TBXAS1: variants seen among roughly 807,000 people sequenced by gnomAD.
The protein encoded by TBXAS1 is thromboxane A synthase 1, also known as thromboxane-A synthase.
A neutral mutation model predicts 60.7 loss-of-function variants in TBXAS1; 48 were observed. That is an observed-to-expected ratio of 0.79 (90% CI 0.63 to 1.01). The LOEUF is 1.01. Among genes scored for constraint, TBXAS1 ranks in the 50% least tolerant of loss-of-function variants. The probability of loss-of-function intolerance (pLI) is 0.00; values close to 1 mark genes in which losing one functional copy is unlikely to be tolerated. For synonymous variants in TBXAS1, 287 were observed against 269.7 expected, an observed-to-expected ratio of 1.06 and a Z score of -0.63; for missense variants, 685 against 686.3, an observed-to-expected ratio of 1.00 and a Z score of 0.02.
chr7:139,860,003 A>C, intron 1 of TBXAS1, among the ~76,000 whole-genome samples: 1 of 152,148 alleles, frequency 6.6e-6, no homozygotes, highest in East Asian at 1.9e-4. Context: ...GCTGAGCACA[A>C]TAGTGCACGC....
At chr7:139,924,874 T>G (rs1000764884) in intron 4 of TBXAS1, among the ~76,000 whole-genome samples, 4 of 152,242 alleles carry the variant, frequency 2.6e-5, no homozygotes, top group African/African-American at 9.6e-5. Context: ...ATTCTTCATA[T>G]GGATATCCAC....
intron 5 of TBXAS1, among the ~76,000 whole-genome samples, chr7:139,942,374 C>T (rs925967459): frequency 1.3e-5 from 2 of 152,198 alleles, no homozygotes; most frequent in African/African-American, 4.8e-5. Context: ...AAGGAGAGAA[C>T]GTGGGTTGTT....
upstream of TBXAS1, among the ~76,000 whole-genome samples, chr7:139,825,305 A>G (rs548006197): frequency 2.6e-5 from 4 of 152,284 alleles, no homozygotes; most frequent in African/African-American, 9.6e-5. Flanking sequence ...CTACTGTCCC[A>G]GTAAAAACCC....
chr7:139,881,179 T>C (rs1802660558), intron 3 of TBXAS1, among the ~76,000 whole-genome samples: 1 of 152,244 alleles, frequency 6.6e-6, no homozygotes, highest in Non-Finnish European at 1.5e-5. Context: ...AGTAGCCTTT[T>C]ATATGCCTTA....
intron 1 of TBXAS1, among the ~76,000 whole-genome samples, chr7:139,830,064 T>A (rs1798602678): frequency 6.6e-6 from 1 of 152,170 alleles, no homozygotes. Context: ...CCTGAAAGGA[T>A]CTCAAACTTG....
chr7:139,932,564 C>T (rs1292580454), intron 4 of TBXAS1, among the ~76,000 whole-genome samples: 1 of 152,104 alleles, frequency 6.6e-6, no homozygotes, highest in Non-Finnish European at 1.5e-5. Context: ...ACCTAAATTC[C>T]CTCTCCCATG....
rs1322522735 is a variant in TBXAS1 at position 139,916,138 on chromosome 7, G to A, written c.333+4817G>A. ...GTACGGTACCTAATGAAACCATAGG[G>A]CAGCTCTTTTTTAAATATCTGTGGA... is the stretch of plus-strand genomic sequence containing the variant. On this transcript the variant is annotated intron_variant, in intron 4 of 12. Coordinates refer to ENST00000448866, the MANE Select transcript of TBXAS1 (RefSeq NM_001061.7). This position sits in a 1 kb window ranked among gnomAD's most constrained non-coding sequence, Gnocchi z 4.2. 6.6e-6 allele frequency among the ~76,000 whole-genome samples: 1 copy of A among 152,156 alleles called. No individual in the cohort carries two copies. The highest frequency in any genetic ancestry group is 1.5e-5 in the Non-Finnish European group (1 of 68,034).
chr7:140,004,231 G>A lies in TBXAS1; in HGVS notation c.1135-2860G>A, dbSNP rs538090628. The stretch of plus-strand genomic sequence containing the variant: ...GTGAGGCCCAGTGAGAAATAAAAGC[G>A]TGGTAGCCTTTATTCCCAAAGCAGG... On this transcript the variant is annotated intron_variant, in intron 9 of 12. Coordinates refer to ENST00000448866, the MANE Select transcript of TBXAS1 (RefSeq NM_001061.7). This position sits in a 1 kb window ranked among gnomAD's most constrained non-coding sequence, Gnocchi z 5.1. Among the ~76,000 whole-genome samples the A allele has an allele frequency of 3.9e-5, 6 of 152,362 alleles. No homozygotes were observed. Among genetic ancestry groups the A allele is most frequent in the South Asian group, 2.1e-4 (1 of 4,832 alleles).
chr7:139,911,290 T>C lies in TBXAS1; in HGVS notation c.302T>C (p.Val101Ala), dbSNP rs370871916. Reference protein sequence around the residue: ...SEPDMIKQVLVENFSNFTNRM... With the variant: ...SEPDMIKQVLAENFSNFTNRM... The stretch of plus-strand genomic sequence containing the variant: ...CCAGACATGATCAAGCAGGTGTTGG[T>C]TGAGAACTTCAGTAACTTTACCAAC... Residue 101 changes from valine to alanine, a missense_variant, in exon 4 of 13, where the codon GTT (valine) becomes GCT (alanine). Transcript: ENST00000448866. The C allele has an allele frequency of 7.4e-6, 12 of 1,614,082 alleles. No homozygotes were observed. In the Admixed American group the frequency reaches 8.3e-5, roughly 11 times the overall value.
At chr7:139,837,521 T>A (rs1051672811) in intron 1 of TBXAS1, among the ~76,000 whole-genome samples, 2 of 152,182 alleles carry the variant, frequency 1.3e-5, no homozygotes, top group African/African-American at 4.8e-5. Context: ...GTGACCTGGA[T>A]GAGATTGGAG....
chr7:139,790,094 C>G (rs912811896), intron 4 of TBXAS1, among the ~76,000 whole-genome samples: 1 of 152,190 alleles, frequency 6.6e-6, no homozygotes, highest in Admixed American at 6.5e-5. Context: ...CCATTATTTC[C>G]TCCTCTCCAT....
rs960831812 is a variant in TBXAS1 at position 140,013,062 on chromosome 7, G to T, written c.1227-2661G>T. On this transcript the variant is annotated intron_variant, in intron 10 of 12. Transcript: ENST00000448866. This position sits in a 1 kb window ranked among gnomAD's most constrained non-coding sequence, Gnocchi z 4.2. ...ATCGCGCCACTGCACTCCAGCCTGG[G>T]CAACAGAGCGAGACTCCATCTCAAA... Among the ~76,000 whole-genome samples the T allele has an allele frequency of 3.4e-5, 5 of 147,004 alleles. No homozygotes were observed. Among genetic ancestry groups the T allele is most frequent in the Non-Finnish European group, 7.4e-5 (5 of 67,426 alleles).
At chr7:139,888,355 C>G (rs1803277773) in intron 3 of TBXAS1, among the ~76,000 whole-genome samples, 1 of 152,220 alleles carries the variant, frequency 6.6e-6, no homozygotes, top group Admixed American at 6.5e-5. Context: ...GTCTGAAACT[C>G]TTACTGACTT....
In TBXAS1 at chr7:139,932,040, A is replaced by AC. The variant is rs200256330; in HGVS notation, c.334-4149dup. 7.1e-3 allele frequency among the ~76,000 whole-genome samples: 1,083 copies of AC among 151,526 alleles called. 14 individuals are homozygous for AC. Among genetic ancestry groups the AC allele is most frequent in the African/African-American group, 0.025 (1,035 of 41,022 alleles). ...CTCTTAAAAATTATTAAGATGGGGCACCTGTAGTCCCAGCTACTTGGGAGG... is the reference window on the plus strand; with the variant it reads ...CTCTTAAAAATTATTAAGATGGGGCACCCTGTAGTCCCAGCTACTTGGGAGG... On this transcript the variant is annotated intron_variant, in intron 4 of 12. Transcript: ENST00000448866.
intron 6 of TBXAS1, among the ~76,000 whole-genome samples, chr7:139,954,881 T>C (rs578066065): frequency 1.3e-5 from 2 of 152,366 alleles, no homozygotes; most frequent in Non-Finnish European, 2.9e-5. Context: ...TTGTGTTTAT[T>C]TGAGTGCTAA....
Position 140,020,077 on chromosome 7 carries a change from A to T in TBXAS1, c.1580A>T (p.Tyr527Phe). The T allele has an allele frequency of 1.2e-6, 2 of 1,613,442 alleles. No homozygotes were observed. Among genetic ancestry groups the T allele is most frequent in the Non-Finnish European group, 1.7e-6 (2 of 1,179,806 alleles). The change falls in exon 13 of 13, where the codon TAT becomes TTT. Residue 527 changes from tyrosine to phenylalanine, a missense_variant. By Grantham distance (22) the Tyr-to-Phe change is conservative. Coordinates refer to ENST00000448866, the MANE Select transcript of TBXAS1 (RefSeq NM_001061.7). ...KSALGPKNGV[Y>F]IKIVSR ...GCCCTAGGTCCAAAAAATGGTGTCTATATCAAGATCGTATCCCGCTGACAC... is the reference window on the plus strand; with the variant it reads ...GCCCTAGGTCCAAAAAATGGTGTCTTTATCAAGATCGTATCCCGCTGACAC...
Position 139,921,553 on chromosome 7 carries a change from A to G in TBXAS1, c.333+10232A>G, listed in dbSNP as rs140049535. On this transcript the variant is annotated intron_variant, in intron 4 of 12. Transcript: ENST00000448866. ...TGTCTCTACAAAAAAAAATTTTTAAATTAGCCAGGCCCCGTGGTGTGTGCC... is the reference window on the plus strand; with the variant it reads ...TGTCTCTACAAAAAAAAATTTTTAAGTTAGCCAGGCCCCGTGGTGTGTGCC... Among the ~76,000 whole-genome samples, 1,032 of 152,230 alleles carry G rather than the reference A, an allele frequency of 6.8e-3. 2 individuals carry two copies. The highest frequency in any genetic ancestry group is 0.017 in the Middle Eastern group (5 of 294).
At chr7:139,932,166 C>CAA (rs56765418) in intron 4 of TBXAS1, among the ~76,000 whole-genome samples, 23 of 66,282 alleles carry the variant, frequency 3.5e-4, no homozygotes, top group African/African-American at 5.8e-4. Context: ...GACTCCATCT[C>CAA]AAAAAAAAAA....
intron 9 of TBXAS1, among the ~76,000 whole-genome samples, chr7:139,963,875 C>T (rs1420073897): frequency 6.6e-6 from 1 of 152,204 alleles, no homozygotes; most frequent in East Asian, 1.9e-4. Flanking sequence ...AGGTCCGTTT[C>T]TCTCTCGCCA....
Sources: allele counts gnomAD v4.1 joint callset (sites outside exome capture counted in the v4.1 genomes callset), GRCh38; gene constraint gnomAD v4.1.1; non-coding constraint Gnocchi (gnomAD v3.1); transcripts MANE v1.5; gene names NCBI Gene and HGNC (gene_info 2026-07-23, HGNC 2026-07-21).